The following DNAH7 variants were observed in gnomAD, a reference collection of about 807,000 sequenced individuals.
DNAH7 encodes dynein axonemal heavy chain 7.
DNAH7 carries 397 observed loss-of-function variants against 444.6 expected under a neutral mutation model. The observed-to-expected ratio is 0.89, with a 90% CI of 0.82 to 0.97. DNAH7 has a LOEUF of 0.97. Among genes scored for constraint, DNAH7 ranks in the 50% least tolerant of loss-of-function variants. The pLI, the probability that DNAH7 is intolerant of heterozygous loss-of-function variation, is 0.00. For missense variants in DNAH7, 4,902 were observed against 4,800.8 expected, an observed-to-expected ratio of 1.02 and a Z score of -0.62; for synonymous variants, 1,636 against 1,624.4, an observed-to-expected ratio of 1.01 and a Z score of -0.17.
At chr2:196,049,466 G>A (rs1403765040) in intron 3 of DNAH7, among the ~76,000 whole-genome samples, 1 of 152,166 alleles carries the variant, frequency 6.6e-6, no homozygotes, top group East Asian at 1.9e-4. Context: ...GATCATTCTT[G>A]ATTTCAACTA....
intron 30 of DNAH7, chr2:195,893,816 T>C (rs563339139): frequency 6.6e-6 from 1 of 152,328 alleles, no homozygotes; most frequent in East Asian, 1.9e-4. Context: ...ACTTTACAAG[T>C]GGACCAGAAT....
chr2:195,817,673 G>C (rs1205928231), intron 50 of DNAH7, 23 bp downstream of exon 50: 1 of 1,582,098 alleles, frequency 6.3e-7, no homozygotes, highest in Non-Finnish European at 8.6e-7. Flanking sequence ...AATAAGAATA[G>C]TTCTGTTTAT....
At chr2:195,759,031 G>A (rs960944074) in intron 61 of DNAH7, among the ~76,000 whole-genome samples, 56 of 152,178 alleles carry the variant, frequency 3.7e-4, no homozygotes, top group Non-Finnish European at 7.2e-4. Context: ...CTTGCGGGGG[G>A]CATGCCATCT....
rs1164317859 is a variant in DNAH7, at chr2:195,799,276, C to T, written c.10353+20G>A. 1 of 1,450,760 alleles carries T rather than the reference C, an allele frequency of 6.9e-7. No individual in the cohort carries two copies. The highest frequency in any genetic ancestry group is 9.2e-7 in the Non-Finnish European group (1 of 1,090,870). 89.9% of individuals were successfully genotyped at this position (1,450,760 alleles called of 1,614,324 possible). On this transcript the variant is annotated intron_variant, in intron 55 of 64. Coordinates refer to ENST00000312428, the MANE Select transcript of DNAH7 (RefSeq NM_018897.3). ...GCTTTTTTAAAATAATATCCGATAA[C>T]TTCATCTATTGTAAGGTACCTGGTC...
At chr2:195,900,136 G>C (rs1686610411) in intron 28 of DNAH7, 146 bp downstream of exon 28, 1 of 817,002 alleles carries the variant, frequency 1.2e-6, no homozygotes, top group African/African-American at 1.7e-5. Flanking sequence ...TTTTTCATGT[G>C]TACAAGATAA....
chr2:195,900,335 C>T lies in DNAH7; in HGVS notation c.4495G>A (p.Asp1499Asn), dbSNP rs1477540931. 6.8e-6 allele frequency: 11 copies of T among 1,613,966 alleles called. No homozygotes were observed. The highest frequency in any genetic ancestry group is 1.1e-5 in the South Asian group (1 of 91,070). The change falls in exon 28 of 65, where the codon GAC becomes AAC. Residue 1499 changes from aspartate to asparagine, a missense_variant. By Grantham distance (23) the Asp-to-Asn change is conservative. Coordinates refer to ENST00000312428, the MANE Select transcript of DNAH7 (RefSeq NM_018897.3). ...GACTTCACGGCTCTCATTCCATAGTCGTAGTGATGTTGAGATGACAGCTGC... is the reference window on the plus strand; with the variant it reads ...GACTTCACGGCTCTCATTCCATAGTTGTAGTGATGTTGAGATGACAGCTGC... ...SEQLSSQHHY[D>N]YGMRAVKSVL...
intron 19 of DNAH7, among the ~76,000 whole-genome samples, chr2:195,937,617 C>A (rs1480158542): frequency 1.3e-5 from 2 of 152,034 alleles, no homozygotes; most frequent in East Asian, 1.9e-4. Flanking sequence ...ATACAGTAAC[C>A]ACCAAGTTTA....
At chr2:195,968,962 T>C (rs889046997) in intron 17 of DNAH7, among the ~76,000 whole-genome samples, 7 of 152,350 alleles carry the variant, frequency 4.6e-5, no homozygotes, top group African/African-American at 1.7e-4. Context: ...CTCCCCGACG[T>C]GTACAGATTC....
chr2:196,055,201 CAA>C (rs1697730329), intron 2 of DNAH7, among the ~76,000 whole-genome samples: 1 of 151,978 alleles, frequency 6.6e-6, no homozygotes, highest in South Asian at 2.1e-4. Flanking sequence ...ACCAAAAATA[CAA>C]AAATTAGCTA....
chr2:195,838,768 CAAAAT>C (rs1698519598), intron 47 of DNAH7, among the ~76,000 whole-genome samples: 2 of 151,528 alleles, frequency 1.3e-5, no homozygotes, highest in Admixed American at 1.3e-4. Context: ...AAACACTAAA[CAAAAT>C]AAAGCTGTAC....
chr2:195,831,886 T>C (rs760710374), intron 48 of DNAH7, among the ~76,000 whole-genome samples: 1 of 152,176 alleles, frequency 6.6e-6, no homozygotes, highest in Non-Finnish European at 1.5e-5. Flanking sequence ...TAAGGGGTAG[T>C]TAACTACCTT....
intron 38 of DNAH7, among the ~76,000 whole-genome samples, chr2:195,875,461 AG>A (rs1405990053): frequency 2.6e-5 from 4 of 152,166 alleles, no homozygotes; most frequent in African/African-American, 9.7e-5. Context: ...GGAGAAAAAA[AG>A]TTTTGGAAGA....
At chr2:195,993,933 A>T (rs944392670) in intron 12 of DNAH7, among the ~76,000 whole-genome samples, 1 of 152,196 alleles carries the variant, frequency 6.6e-6, no homozygotes, top group African/African-American at 2.4e-5. Context: ...CAATCCGGGA[A>T]GAAGGAATGG....
chr2:195,865,921 A>C (rs1370108886), intron 40 of DNAH7, among the ~76,000 whole-genome samples: 1 of 152,166 alleles, frequency 6.6e-6, no homozygotes, highest in Non-Finnish European at 1.5e-5. Flanking sequence ...CCTTATATGC[A>C]CAGAGGAAGG....
chr2:195,924,878 TTA>T (rs1688235127), intron 22 of DNAH7, among the ~76,000 whole-genome samples: 1 of 152,130 alleles, frequency 6.6e-6, no homozygotes, highest in Non-Finnish European at 1.5e-5. Context: ...AAAAATAAAA[TTA>T]TAGTCAACAA....
At chr2:195,907,642 T>C (rs1687111999) in intron 25 of DNAH7, among the ~76,000 whole-genome samples, 1 of 152,198 alleles carries the variant, frequency 6.6e-6, no homozygotes, top group Non-Finnish European at 1.5e-5. Flanking sequence ...GCATATGTTA[T>C]ATCGAGTACA....
At chr2:195,992,058 G>A (rs1693374629) in intron 12 of DNAH7, among the ~76,000 whole-genome samples, 1 of 152,152 alleles carries the variant, frequency 6.6e-6, no homozygotes, top group South Asian at 2.1e-4. Context: ...ACCTAGCCAG[G>A]TGAGTTGTCT....
intron 46 of DNAH7, among the ~76,000 whole-genome samples, chr2:195,850,309 G>A (rs1231154879): frequency 1.3e-5 from 2 of 151,466 alleles, no homozygotes; most frequent in South Asian, 4.2e-4. Flanking sequence ...GGGAGAGAGA[G>A]AGAGATGGTA....
At chr2:195,928,727 T>C (rs1228515441) in intron 21 of DNAH7, among the ~76,000 whole-genome samples, 1 of 116,934 alleles carries the variant, frequency 8.6e-6, no homozygotes. Flanking sequence ...TAGGGAAGCA[T>C]TAAAGCCATA....
Sources: allele counts gnomAD v4.1 joint callset (sites outside exome capture counted in the v4.1 genomes callset), GRCh38; gene constraint gnomAD v4.1.1; transcripts MANE v1.5; gene names NCBI Gene and HGNC (gene_info 2026-07-23, HGNC 2026-07-21).